SLC16A12: variants seen among roughly 807,000 people sequenced by gnomAD.
SLC16A12 encodes monocarboxylate transporter 12.
Under a neutral mutation model 42.4 loss-of-function variants are expected in SLC16A12, and 17 were observed. That is an observed-to-expected ratio of 0.40 (90% CI 0.27 to 0.60). SLC16A12 has a LOEUF of 0.60. Among genes scored for constraint, SLC16A12 ranks in the 20% least tolerant of loss-of-function variants. The probability of loss-of-function intolerance (pLI) is 0.42; values close to 1 mark genes in which losing one functional copy is unlikely to be tolerated. For missense variants in SLC16A12, 544 were observed against 623.0 expected, an observed-to-expected ratio of 0.87 and a Z score of 1.35; for synonymous variants, 224 against 229.4, an observed-to-expected ratio of 0.98 and a Z score of 0.21.
intron 2 of SLC16A12, among the ~76,000 whole-genome samples, chr10:89,555,671 A>G (rs1475221719): frequency 7.3e-6 from 1 of 137,762 alleles, no homozygotes; most frequent in East Asian, 2.0e-4. Context: ...ATATATACAC[A>G]TATATACGTA....
intron 2 of SLC16A12, among the ~76,000 whole-genome samples, chr10:89,490,080 A>G (rs1431354313): frequency 6.6e-6 from 1 of 152,230 alleles, no homozygotes; most frequent in East Asian, 1.9e-4. Flanking sequence ...GACTCAAGGT[A>G]TGAAGGGTCT....
intron 2 of SLC16A12, among the ~76,000 whole-genome samples, chr10:89,467,402 C>G (rs1359359861): frequency 2.6e-5 from 4 of 152,058 alleles, no homozygotes; most frequent in African/African-American, 9.7e-5. Flanking sequence ...AGAGAAGCCA[C>G]TATAGGCAAA....
intron 2 of SLC16A12, among the ~76,000 whole-genome samples, chr10:89,553,539 C>T (rs959700109): frequency 2.0e-5 from 3 of 152,142 alleles, no homozygotes; most frequent in Non-Finnish European, 4.4e-5. Flanking sequence ...TACTTGATGA[C>T]TCAATGAAAA....
intron 3 of SLC16A12, among the ~76,000 whole-genome samples, chr10:89,454,308 T>C (rs1207317782): frequency 2.0e-5 from 3 of 151,884 alleles, no homozygotes; most frequent in African/African-American, 7.3e-5. Flanking sequence ...ATCTCATATA[T>C]ATCCCTCAAA....
chr10:89,521,194 G>A lies in SLC16A12; in HGVS notation c.-47+13307C>T, dbSNP rs138178641. ...AAGGCTGTCTGAATCTGACAATAAT[G>A]CCTTGTCTCTGTCATAGACATTGTA... On this transcript the variant is annotated intron_variant, in intron 2 of 7. Transcript: ENST00000371790. Among the ~76,000 whole-genome samples the A allele has an allele frequency of 1.1e-3, 171 of 152,266 alleles. 2 individuals carry two copies. The Middle Eastern group carries it at 0.017, about 15-fold the overall frequency.
At chr10:89,548,730 C>T (rs1452941124) in intron 2 of SLC16A12, among the ~76,000 whole-genome samples, 1 of 152,106 alleles carries the variant, frequency 6.6e-6, no homozygotes, top group Non-Finnish European at 1.5e-5. Flanking sequence ...GCAGGAGAAT[C>T]GCTTGAATCC....
intron 2 of SLC16A12, among the ~76,000 whole-genome samples, chr10:89,507,909 A>G (rs537251394): frequency 1.2e-4 from 18 of 152,366 alleles, no homozygotes; most frequent in Non-Finnish European, 2.5e-4. Context: ...GGAAAGCGAA[A>G]AAAAGCAGGG....
intron 2 of SLC16A12, among the ~76,000 whole-genome samples, chr10:89,548,348 G>T (rs1843752771): frequency 6.6e-6 from 1 of 152,142 alleles, no homozygotes; most frequent in African/African-American, 2.4e-5. Context: ...TGAGCTGGAA[G>T]TGAAGTACCC....
chr10:89,541,566 G>A (rs977819667), intron 2 of SLC16A12, among the ~76,000 whole-genome samples: 10 of 152,180 alleles, frequency 6.6e-5, no homozygotes, highest in African/African-American at 2.4e-4. Flanking sequence ...CAGCTTGGGC[G>A]ACAGAACTAG....
rs377664689 is a variant in SLC16A12, at chr10:89,438,968, C to T, written c.664G>A (p.Ala222Thr). The change falls in exon 6 of 8, where the codon GCC (alanine) becomes ACC (threonine). Residue 222 changes from alanine (A) to threonine (T), a missense_variant. Coordinates refer to ENST00000371790, the MANE Select transcript of SLC16A12 (RefSeq NM_213606.4). ...TTAAGAGTAATTGGCCTCATCAAGG[C>T]ACCACATACACAGAGATTCAAGACA... ...GFVLNLCVCG[A>T]LMRPITLKED... 31 of 1,614,048 alleles carry T rather than the reference C, an allele frequency of 1.9e-5. No individual in the cohort carries two copies. The Admixed American group carries it at 3.7e-4, about 19-fold the overall frequency.
At chr10:89,497,722 G>A (rs189456402) in intron 2 of SLC16A12, among the ~76,000 whole-genome samples, 18 of 143,230 alleles carry the variant, frequency 1.3e-4, no homozygotes, top group East Asian at 2.0e-4. Flanking sequence ...AATTAATAGG[G>A]GTAGAGATCA....
intron 2 of SLC16A12, among the ~76,000 whole-genome samples, chr10:89,526,262 G>A (rs564232228): frequency 1.3e-5 from 2 of 152,112 alleles, no homozygotes; most frequent in African/African-American, 4.8e-5. Flanking sequence ...TTTGGTTAAC[G>A]TGAATACAGA....
intron 2 of SLC16A12, among the ~76,000 whole-genome samples, chr10:89,517,676 T>C (rs993662015): frequency 2.0e-5 from 3 of 152,132 alleles, no homozygotes; most frequent in Non-Finnish European, 4.4e-5. Context: ...TGGGCATCTC[T>C]GAGAAATAAT....
Position 89,462,573 on chromosome 10 carries a change from T to C in SLC16A12, c.6A>G (p.Pro2=). 6.2e-7 allele frequency: 1 copy of C among 1,605,884 alleles called. No individual in the cohort carries two copies. The highest frequency in any genetic ancestry group is 8.5e-7 in the Non-Finnish European group (1 of 1,178,160). M[P]SGSHWTANSS... ...AGTTTGCTGTCCAGTGACTTCCTGA[T>C]GGCATTCAAGGTTGGCATAGAACGC... Residue 2 remains proline, a synonymous_variant, in exon 3 of 8, where the codon CCA becomes CCG. Transcript: ENST00000371790.
intron 5 of SLC16A12, among the ~76,000 whole-genome samples, chr10:89,439,397 C>T (rs1206754066): frequency 6.6e-6 from 1 of 152,134 alleles, no homozygotes; most frequent in Non-Finnish European, 1.5e-5. Flanking sequence ...GGAGAACACC[C>T]TTAAGGAAAT....
chr10:89,476,034 A>G (rs1842572931), intron 2 of SLC16A12, among the ~76,000 whole-genome samples: 1 of 152,230 alleles, frequency 6.6e-6, no homozygotes, highest in Admixed American at 6.5e-5. Context: ...GGGTTCTGGT[A>G]TAACATTGGG....
rs191655161 is a variant in SLC16A12 at position 89,484,420 on chromosome 10, G to A, written c.-46-21796C>T. On this transcript the variant is annotated intron_variant, in intron 2 of 7. Coordinates refer to ENST00000371790, the MANE Select transcript of SLC16A12 (RefSeq NM_213606.4). Reference sequence around the variant, plus strand: ...ACCATAACAAAAAATCTTGTCCTAAGGATTTCTGAAAAGAGTTTCAACTCA... The same window carrying A: ...ACCATAACAAAAAATCTTGTCCTAAAGATTTCTGAAAAGAGTTTCAACTCA... Among the ~76,000 whole-genome samples the A allele has an allele frequency of 8.5e-5, 13 of 152,250 alleles. No homozygotes were observed. In the East Asian group the frequency reaches 2.3e-3, roughly 27 times the overall value.
chr10:89,499,971 A>G (rs1842971136), intron 2 of SLC16A12, among the ~76,000 whole-genome samples: 1 of 152,192 alleles, frequency 6.6e-6, no homozygotes, highest in Non-Finnish European at 1.5e-5. Flanking sequence ...GAAATATTAC[A>G]ACTGACACTA....
chr10:89,534,966 C>T (rs1843628711), intron 1 of SLC16A12, among the ~76,000 whole-genome samples: 1 of 152,072 alleles, frequency 6.6e-6, no homozygotes, highest in Admixed American at 6.6e-5. Flanking sequence ...ATACAGGTAT[C>T]ACTGGTTTAT....
Sources: gnomAD v4.1 joint callset for allele counts (sites outside exome capture counted in the v4.1 genomes callset) on GRCh38, gnomAD v4.1.1 for gene constraint, MANE v1.5 for transcripts, NCBI Gene and HGNC (gene_info 2026-07-23, HGNC 2026-07-21) for gene names.